CHD8: variants seen among roughly 807,000 people sequenced by gnomAD.
CHD8 encodes chromodomain helicase DNA binding protein 8.
In CHD8, 31 loss-of-function variants were observed where a neutral mutation model predicts 279.2. The observed-to-expected ratio is 0.11, with a 90% confidence interval of 0.08 to 0.15. The LOEUF (loss-of-function observed/expected upper bound fraction) is 0.15. CHD8 is among the 10% of genes least tolerant of loss of function. CHD8 has a pLI of 1.00. For missense variants in CHD8, 2,146 were observed against 3,230.5 expected (o/e 0.66, Z 8.14); for synonymous variants, 1,081 against 1,139.6 (o/e 0.95, Z 1.04).
chr14:21,403,739 C>A lies in CHD8; in HGVS notation c.3308-76G>T. ...GTTGTAGTCTATTTAACTAAGAAAG[C>A]AAAAGGAAAAAAATGTAATTTGACT... is the stretch of plus-strand genomic sequence containing the variant. On this transcript the variant is annotated intron_variant, in intron 16 of 37. Transcript: ENST00000646647. The surrounding 1 kb of genome is among the most constrained non-coding windows in gnomAD (Gnocchi z 4.3). The A allele has an allele frequency of 3.5e-5, 43 of 1,223,522 alleles. No homozygotes were observed. The highest frequency in any genetic ancestry group is 3.5e-4 in the Admixed American group (15 of 43,472). 75.8% of individuals were successfully genotyped at this position (1,223,522 alleles called of 1,614,324 possible).
chr14:21,392,345 A>G lies in CHD8; in HGVS notation c.6771+162T>C. On this transcript the variant is annotated intron_variant, in intron 34 of 37. Coordinates refer to ENST00000646647, the MANE Select transcript of CHD8 (RefSeq NM_001170629.2). ...ATCAATAGGGTTCAATAAGGAAAAC[A>G]ACCAGGAAAAATGATTCTTCCTAAA... 7 of 800,784 alleles carry G rather than the reference A, an allele frequency of 8.7e-6. No homozygotes were observed. In the South Asian group the frequency reaches 1.1e-4, roughly 13 times the overall value. 49.6% of individuals were successfully genotyped at this position (800,784 alleles called of 1,614,324 possible).
In CHD8 at chr14:21,400,708, T is replaced by TA. The variant is rs1887992631; in HGVS notation, c.4371-97dup. The TA allele has an allele frequency of 7.6e-7, 1 of 1,311,006 alleles. No individual in the cohort carries two copies. The highest frequency in any genetic ancestry group is 1.0e-6 in the Non-Finnish European group (1 of 970,266). The allele number at this position is 1,311,006 out of a possible 1,614,324, so 81.2% of individuals were successfully genotyped here. A position where few individuals can be genotyped will look rare whatever the true frequency, so the allele number is the denominator to read the frequency against. On this transcript the variant is annotated intron_variant, in intron 22 of 37. Coordinates refer to ENST00000646647, the MANE Select transcript of CHD8 (RefSeq NM_001170629.2). The surrounding 1 kb of genome is among the most constrained non-coding windows in gnomAD (Gnocchi z 4.2). ...CTGAAAAGGTGTGAAACAAAGATCTTAAAAAACATGGTAACAGAATAAACA... is the reference window on the plus strand; with the variant it reads ...CTGAAAAGGTGTGAAACAAAGATCTTAAAAAAACATGGTAACAGAATAAACA...
At chr14:21,437,093 G>A in intron 1 of CHD8, 1 of 840,216 alleles carries the variant, frequency 1.2e-6, no homozygotes, top group Non-Finnish European at 1.7e-6. Context: ...CCCGGGATAG[G>A]AGCAATGTTA....
chr14:21,393,411 GA>G lies in CHD8; in HGVS notation c.6319+64del, dbSNP rs1012210612. 134 of 1,498,372 alleles carry G rather than the reference GA, an allele frequency of 8.9e-5. No individual in the cohort carries two copies. In the African/African-American group the frequency reaches 1.5e-3, roughly 17 times the overall value. 92.8% of individuals were successfully genotyped at this position (1,498,372 alleles called of 1,614,324 possible). Reference sequence around the variant, plus strand: ...AATCTCTCTCAAGAGGATGCATTTAGAAAAGGGAAAGAGAAGAGAGGGGGAA... The same window carrying G: ...AATCTCTCTCAAGAGGATGCATTTAGAAAGGGAAAGAGAAGAGAGGGGGAA... On this transcript the variant is annotated intron_variant, in intron 32 of 37. Coordinates refer to ENST00000646647, the MANE Select transcript of CHD8 (RefSeq NM_001170629.2).
chr14:21,431,913 G>C (rs376617270), intron 1 of CHD8, 55 bp from the exon 2 acceptor site: 25 of 1,219,078 alleles, frequency 2.1e-5, no homozygotes, highest in Non-Finnish European at 3.0e-5. Flanking sequence ...CGATCTCAGA[G>C]AAAATTTTCC....
At position 21,393,733 on chromosome 14, in the gene CHD8, C is replaced by T. The variant is rs752237605; in HGVS notation, c.6062G>A (p.Ser2021Asn). 1.2e-6 allele frequency: 2 copies of T among 1,613,796 alleles called. No individual in the cohort carries two copies. The highest frequency in any genetic ancestry group is 2.2e-5 in the East Asian group (1 of 44,894). Residue 2021 changes from serine (S) to asparagine (N), a missense_variant, in exon 32 of 38, where the codon AGT (serine) becomes AAT (asparagine). Physicochemically the swap from Ser to Asn is conservative, Grantham distance 46. This residue lies in a region of CHD8 where 513 missense variants were observed against 637.6 expected (regional missense o/e 0.80). Transcript: ENST00000646647. ...CTCGTGCTCTAGCTTTAAAGTCAGA[C>T]TCTCCAGACTGGGGACCTGGGTAGC... ...ETATQVPSLE[S>N]LTLKLEHEVV...
At chr14:21,444,954 T>G (rs1890075542) in intron 1 of CHD8, among the ~76,000 whole-genome samples, 1 of 152,304 alleles carries the variant, frequency 6.6e-6, no homozygotes, top group South Asian at 2.1e-4. Flanking sequence ...CTTTTCTTGG[T>G]AGACTCTCCA....
At chr14:21,388,448 AG>A (rs1887376803) in intron 37 of CHD8, among the ~76,000 whole-genome samples, 1 of 152,226 alleles carries the variant, frequency 6.6e-6, no homozygotes, top group African/African-American at 2.4e-5. Flanking sequence ...AGTGTATCAG[AG>A]GAAGTGTGTC....
chr14:21,431,263 C>A lies in CHD8; in HGVS notation c.381G>T (p.Glu127Asp). 1 of 1,592,898 alleles carries A rather than the reference C, an allele frequency of 6.3e-7. No homozygotes were observed. Among genetic ancestry groups the A allele is most frequent in the Non-Finnish European group, 8.5e-7 (1 of 1,176,798 alleles). The change falls in exon 2 of 38, where the codon GAG becomes GAT. Residue 127 changes from glutamate (E) to aspartate (D), a missense_variant. Coordinates refer to ENST00000646647, the MANE Select transcript of CHD8 (RefSeq NM_001170629.2). Reference protein sequence around the residue: ...SGLLQVSKSQEILSQGNPFMG... With the variant: ...SGLLQVSKSQDILSQGNPFMG... ...TGAAAGGATTCCCTTGGCTCAGGAT[C>A]TCCTGGCTCTTGGAGACTTGCAAAA...
chr14:21,443,560 A>G (rs1311183801), intron 1 of CHD8, among the ~76,000 whole-genome samples: 2 of 151,868 alleles, frequency 1.3e-5, no homozygotes, highest in Admixed American at 6.6e-5. Flanking sequence ...GTCCAACCAT[A>G]TAAGAATTTT....
chr14:21,417,988 G>C (rs1178993480), intron 5 of CHD8, among the ~76,000 whole-genome samples: 1 of 151,098 alleles, frequency 6.6e-6, no homozygotes, highest in African/African-American at 2.4e-5. Flanking sequence ...CTCTACTGGT[G>C]AAGTATAAAA....
intron 2 of CHD8, chr14:21,429,564 C>G: frequency 1.5e-6 from 1 of 656,178 alleles, no homozygotes; most frequent in Non-Finnish European, 2.8e-6. Context: ...TTCACAGGCA[C>G]AACACTACTG....
chr14:21,446,318 T>TTC (rs1555320481), intron 1 of CHD8, among the ~76,000 whole-genome samples: 3 of 2,486 alleles, frequency 1.2e-3, no homozygotes, highest in African/African-American at 2.9e-3. Flanking sequence ...CTTCTTCTTC[T>TTC]TTTTTTTTTT....
chr14:21,400,142 T>C lies in CHD8; in HGVS notation c.4727+9A>G, dbSNP rs1276370268. ...TGAGGTGGAAAATGTCTGCTAATTC[T>C]ATGCTTACTTGTTACACTGATGTTT... is the stretch of plus-strand genomic sequence containing the variant. On this transcript the variant is annotated intron_variant, in intron 24 of 37. Coordinates refer to ENST00000646647, the MANE Select transcript of CHD8 (RefSeq NM_001170629.2). The surrounding 1 kb of genome is among the most constrained non-coding windows in gnomAD (Gnocchi z 4.2). 6.2e-7 allele frequency: 1 copy of C among 1,613,744 alleles called. No individual in the cohort carries two copies. Among genetic ancestry groups the C allele is most frequent in the East Asian group, 2.2e-5 (1 of 44,896 alleles).
Position 21,405,229 on chromosome 14 carries a change from T to C in CHD8, c.3287A>G (p.Asn1096Ser). Residue 1096 changes from asparagine to serine, a missense_variant, in exon 16 of 38, where the codon AAC (asparagine) becomes AGC (serine). By Grantham distance (46) the Asn-to-Ser change is conservative (BLOSUM62 1). Coordinates refer to ENST00000646647, the MANE Select transcript of CHD8 (RefSeq NM_001170629.2). This position sits in a 1 kb window ranked among gnomAD's most constrained non-coding sequence, Gnocchi z 4.2. The stretch of plus-strand genomic sequence containing the variant: ...CTCACCATTGATGAGATATGGGTGG[T>C]TGCAGCACTTGCGCAACTCCATCAT... ...NTMMELRKCC[N>S]HPYLINGAEE... 3 of 1,613,748 alleles carry C rather than the reference T, an allele frequency of 1.9e-6. No homozygotes were observed. Among genetic ancestry groups the C allele is most frequent in the Non-Finnish European group, 2.5e-6 (3 of 1,179,808 alleles).
intron 37 of CHD8, among the ~76,000 whole-genome samples, chr14:21,390,218 A>G (rs1010685119): frequency 5.3e-5 from 8 of 152,296 alleles, no homozygotes; most frequent in African/African-American, 1.7e-4. Context: ...CTTGGGTGAC[A>G]GAGTGAGACC....
intron 9 of CHD8, chr14:21,413,924 A>G (rs1224616366): frequency 1.2e-5 from 2 of 171,068 alleles, no homozygotes; most frequent in East Asian, 3.5e-4. Flanking sequence ...CCCTATTTCT[A>G]ATCACACTGG....
At chr14:21,412,656 G>A (rs559397530) in intron 10 of CHD8, among the ~76,000 whole-genome samples, 70 of 152,076 alleles carry the variant, frequency 4.6e-4, no homozygotes, top group Non-Finnish European at 7.7e-4. Flanking sequence ...TTTAAAATAT[G>A]AGGAAAAATG....
intron 5 of CHD8, chr14:21,419,911 A>C (rs1324131088): frequency 1.1e-5 from 3 of 283,074 alleles, no homozygotes; most frequent in Admixed American, 4.3e-5. Flanking sequence ...AATGGCCCAG[A>C]AGGTAAGTAG....
Sources: gnomAD v4.1 joint callset for allele counts (sites outside exome capture counted in the v4.1 genomes callset) on GRCh38, gnomAD v4.1.1 for gene constraint, gnomAD v4.1.1 regional missense constraint, Gnocchi (gnomAD v3.1) non-coding constraint, MANE v1.5 for transcripts, NCBI Gene and HGNC (gene_info 2026-07-23, HGNC 2026-07-21) for gene names.